DAAM1: variants seen among roughly 807,000 people sequenced by gnomAD.
The protein encoded by DAAM1 is dishevelled associated activator of morphogenesis 1, also known as disheveled-associated activator of morphogenesis 1.
Under a neutral mutation model 130.0 loss-of-function variants are expected in DAAM1, and 52 were observed. That is an observed-to-expected ratio of 0.40 (90% CI 0.32 to 0.50). The LOEUF (loss-of-function observed/expected upper bound fraction) is 0.50, where lower values mean the gene tolerates loss of function less well. DAAM1 is among the 20% of genes least tolerant of loss of function. The pLI, the probability that DAAM1 is intolerant of heterozygous loss-of-function variation, is 0.61. For synonymous variants in DAAM1, 452 were observed against 444.5 expected (o/e 1.02, Z -0.21); for missense variants, 1,134 against 1,303.8 (o/e 0.87, Z 2.01).
chr14:59,317,389 C>T (rs1480036061), intron 4 of DAAM1, among the ~76,000 whole-genome samples: 1 of 152,144 alleles, frequency 6.6e-6, no homozygotes, highest in East Asian at 1.9e-4. Context: ...CTGATTGCCA[C>T]CACCGCCTTG....
At chr14:59,198,207 CTTTTTTTT>C (rs751141772) in intron 1 of DAAM1, among the ~76,000 whole-genome samples, 56 of 133,434 alleles carry the variant, frequency 4.2e-4, no homozygotes, top group African/African-American at 1.4e-3. Flanking sequence ...TCTTTTCTTT[CTTTTTTTT>C]TTTTTTTTGA....
At chr14:59,345,489 A>T (rs906273496) in intron 16 of DAAM1, among the ~76,000 whole-genome samples, 23 of 152,242 alleles carry the variant, frequency 1.5e-4, no homozygotes, top group Admixed American at 1.4e-3. Flanking sequence ...GGATTCCCAA[A>T]TTTTTTCCTT....
intron 1 of DAAM1, among the ~76,000 whole-genome samples, chr14:59,226,470 G>A (rs1229085211): frequency 1.3e-5 from 2 of 152,142 alleles, no homozygotes; most frequent in Non-Finnish European, 2.9e-5. Flanking sequence ...GGCATTTAGG[G>A]TTCCAGGAAG....
At chr14:59,351,904 C>T (rs1402939858) in intron 17 of DAAM1, among the ~76,000 whole-genome samples, 2 of 152,132 alleles carry the variant, frequency 1.3e-5, no homozygotes, top group Admixed American at 6.5e-5. Context: ...ATTTCTTCCA[C>T]ATCCCATGCT....
chr14:59,344,713 G>C (rs1886000716), intron 16 of DAAM1, among the ~76,000 whole-genome samples: 1 of 152,204 alleles, frequency 6.6e-6, no homozygotes, highest in Non-Finnish European at 1.5e-5. Context: ...TTTTGAATTA[G>C]AGCTAGTGTT....
chr14:59,367,308 A>G (rs1886957302), intron 23 of DAAM1, 121 bp from the exon 24 acceptor site: 1 of 1,429,972 alleles, frequency 7.0e-7, no homozygotes, highest in East Asian at 2.5e-5. Flanking sequence ...AGAAATAAAA[A>G]TAAATGAGCA....
intron 1 of DAAM1, among the ~76,000 whole-genome samples, chr14:59,198,342 A>G (rs887813971): frequency 3.3e-5 from 5 of 151,486 alleles, no homozygotes; most frequent in Admixed American, 2.0e-4. Context: ...AGTAGCTGGG[A>G]TTACAGGTAC....
intron 3 of DAAM1, among the ~76,000 whole-genome samples, chr14:59,296,681 C>T (rs1883966406): frequency 6.6e-6 from 1 of 152,126 alleles, no homozygotes; most frequent in African/African-American, 2.4e-5. Context: ...TTGGTTACAG[C>T]AGTGAGAGTT....
chr14:59,327,805 T>A (rs1163716104), intron 12 of DAAM1, among the ~76,000 whole-genome samples: 1 of 152,190 alleles, frequency 6.6e-6, no homozygotes, highest in African/African-American at 2.4e-5. Flanking sequence ...TGCTGAGATA[T>A]GTGTTACGAA....
At chr14:59,308,076 A>T (rs1159377588) in intron 3 of DAAM1, among the ~76,000 whole-genome samples, 2 of 152,220 alleles carry the variant, frequency 1.3e-5, no homozygotes, top group African/African-American at 2.4e-5. Context: ...GACTATCAGG[A>T]GAGTGAGAGC....
intron 22 of DAAM1, chr14:59,363,324 T>C (rs1233533093): frequency 4.7e-6 from 1 of 214,288 alleles, no homozygotes; most frequent in Non-Finnish European, 9.4e-6. Context: ...AAATTCAGTT[T>C]GCCCCCATTA....
chr14:59,300,046 AAAATT>A (rs751986222), intron 3 of DAAM1: 6 of 152,186 alleles, frequency 3.9e-5, no homozygotes, highest in Non-Finnish European at 7.3e-5. Flanking sequence ...TTTTTAAATA[AAAATT>A]AAATTCCTAC....
chr14:59,277,526 A>G (rs2139534745), intron 2 of DAAM1, among the ~76,000 whole-genome samples: 1 of 150,812 alleles, frequency 6.6e-6, no homozygotes, highest in East Asian at 1.9e-4. Flanking sequence ...AAATATATAA[A>G]TATATAAAAG....
chr14:59,280,198 C>T (rs1883148590), intron 2 of DAAM1, among the ~76,000 whole-genome samples: 1 of 152,118 alleles, frequency 6.6e-6, no homozygotes, highest in South Asian at 2.1e-4. Flanking sequence ...ATACCTTTGC[C>T]AAACTCAAAA....
At chr14:59,195,344 C>G (rs890365425) in intron 1 of DAAM1, among the ~76,000 whole-genome samples, 1 of 151,940 alleles carries the variant, frequency 6.6e-6, no homozygotes, top group Non-Finnish European at 1.5e-5. Flanking sequence ...GGGGTTTCAC[C>G]GTGTTAGCCA....
chr14:59,195,883 T>A (rs1414239605), intron 1 of DAAM1, among the ~76,000 whole-genome samples: 1 of 142,718 alleles, frequency 7.0e-6, no homozygotes, highest in Non-Finnish European at 1.5e-5. Context: ...TTTTTCTGTA[T>A]CTTTTTTTTT....
chr14:59,193,696 T>C (rs892634103), intron 1 of DAAM1, among the ~76,000 whole-genome samples: 1 of 152,188 alleles, frequency 6.6e-6, no homozygotes, highest in Non-Finnish European at 1.5e-5. Context: ...GTTTTCCTCA[T>C]TGATGTTTAA....
chr14:59,342,581 C>G (rs568684836), intron 16 of DAAM1, among the ~76,000 whole-genome samples: 3 of 152,310 alleles, frequency 2.0e-5, no homozygotes, highest in Non-Finnish European at 4.4e-5. Context: ...TACTTTTTCT[C>G]TTAGTCACCA....
At chr14:59,357,595 G>GGT (rs1886533163) in intron 20 of DAAM1, among the ~76,000 whole-genome samples, 1 of 152,138 alleles carries the variant, frequency 6.6e-6, no homozygotes. Context: ...TGGCTAACGT[G>GGT]GTGAAACCTC....
Sources: allele counts gnomAD v4.1 joint callset (sites outside exome capture counted in the v4.1 genomes callset), GRCh38; gene constraint gnomAD v4.1.1; transcripts MANE v1.5; gene names NCBI Gene and HGNC (gene_info 2026-07-23, HGNC 2026-07-21).